Variants in WT1 observed in about 807,000 individuals in gnomAD.
WT1 encodes WT1 transcription factor, also known as Wilms tumor protein.
Under a neutral mutation model 60.8 loss-of-function variants are expected in WT1, and 8 were observed. The observed-to-expected ratio is 0.13, with a 90% confidence interval of 0.08 to 0.24. The LOEUF is 0.24. Among genes scored for constraint, WT1 ranks in the 10% least tolerant of loss-of-function variants. The pLI is 1.00. For missense variants in WT1, 568 were observed against 711.8 expected, an observed-to-expected ratio of 0.80 and a Z score of 2.30; for synonymous variants, 312 against 297.1, an observed-to-expected ratio of 1.05 and a Z score of -0.52.
intron 3 of WT1, among the ~76,000 whole-genome samples, chr11:32,425,461 A>G (rs769465586): frequency 1.3e-5 from 2 of 152,222 alleles, no homozygotes; most frequent in East Asian, 3.9e-4. Flanking sequence ...AAAAGCATTT[A>G]AATACCCTTT....
At chr11:32,428,153 G>T in intron 2 of WT1, 95 bp from the exon 3 acceptor site, 1 of 1,198,902 alleles carries the variant, frequency 8.3e-7, no homozygotes, top group South Asian at 1.5e-5. Flanking sequence ...GAGATCCTGA[G>T]CCTGGGGCAC....
In WT1 at chr11:32,432,996, C is replaced by G. The variant is rs144287330; in HGVS notation, c.661+1704G>C. 6.1e-3 allele frequency among the ~76,000 whole-genome samples: 921 copies of G among 152,226 alleles called. 14 individuals carry two copies. The highest frequency in any genetic ancestry group is 0.021 in the African/African-American group (884 of 41,528). On this transcript the variant is annotated intron_variant, in intron 1 of 9. Coordinates refer to ENST00000452863, the MANE Select transcript of WT1 (RefSeq NM_024426.6). ...AGTCACAGATGTTTAGATGGGTTGC[C>G]GAGTTCCATATTTAAAGCCCCAAGA...
intron 3 of WT1, among the ~76,000 whole-genome samples, chr11:32,424,957 T>A (rs1202027798): frequency 6.6e-6 from 1 of 152,090 alleles, no homozygotes; most frequent in Non-Finnish European, 1.5e-5. Context: ...GTGGGCAGAT[T>A]ACCTGAGATC....
chr11:32,409,570 C>T (rs1852429856), intron 5 of WT1, among the ~76,000 whole-genome samples: 1 of 151,960 alleles, frequency 6.6e-6, no homozygotes, highest in African/African-American at 2.4e-5. Flanking sequence ...GCACTCCTCC[C>T]ACCTCAGCCT....
chr11:32,416,636 C>A (rs1349975189), intron 4 of WT1, 96 bp from the exon 5 acceptor site: 1 of 1,430,898 alleles, frequency 7.0e-7, no homozygotes, highest in Non-Finnish European at 9.8e-7. Context: ...CCCCTCAATA[C>A]ACAGAGACAT....
intron 7 of WT1, 120 bp from the exon 8 acceptor site, chr11:32,392,875 T>G: frequency 1.2e-6 from 1 of 848,844 alleles, no homozygotes; most frequent in South Asian, 1.4e-5. Flanking sequence ...CGCTGGAGCT[T>G]GTTAGGGTAG....
At chr11:32,416,674 A>G in intron 4 of WT1, 134 bp from the exon 5 acceptor site, 2 of 1,133,574 alleles carry the variant, frequency 1.8e-6, no homozygotes, top group Non-Finnish European at 2.6e-6. Context: ...GTGCTGAACT[A>G]AGTCCCCAGT....
intron 3 of WT1, among the ~76,000 whole-genome samples, chr11:32,423,414 G>C (rs1285996666): frequency 6.6e-6 from 1 of 152,248 alleles, no homozygotes; most frequent in Non-Finnish European, 1.5e-5. Flanking sequence ...GCTCAAGCCT[G>C]CTTCTGATAA....
At chr11:32,391,441 A>G (rs1481397746) in intron 9 of WT1, among the ~76,000 whole-genome samples, 1 of 152,256 alleles carries the variant, frequency 6.6e-6, no homozygotes, top group Non-Finnish European at 1.5e-5. Context: ...CAGCCAGTAA[A>G]TGAATGCCCT....
intron 3 of WT1, among the ~76,000 whole-genome samples, chr11:32,421,234 G>A (rs949181944): frequency 6.6e-6 from 1 of 152,220 alleles, no homozygotes; most frequent in Non-Finnish European, 1.5e-5. Context: ...CCCATGGAAA[G>A]AGGCAGCTTC....
intron 1 of WT1, chr11:32,430,739 C>A: frequency 2.2e-6 from 3 of 1,344,344 alleles, no homozygotes; most frequent in East Asian, 2.7e-5. Flanking sequence ...AGACCGGACA[C>A]GCAGACCTCG....
chr11:32,430,820 G>A, intron 1 of WT1: 7 of 1,289,664 alleles, frequency 5.4e-6, no homozygotes, highest in Admixed American at 6.9e-5. Context: ...AAGCGCCTGC[G>A]GAGCGGAGGG....
At chr11:32,415,589 G>A (rs774167930) in intron 5 of WT1, among the ~76,000 whole-genome samples, 13 of 152,178 alleles carry the variant, frequency 8.5e-5, no homozygotes, top group African/African-American at 1.2e-4. Flanking sequence ...TGGAGGTTGC[G>A]GTGAGCGAGA....
chr11:32,419,473 T>C (rs770191880), intron 3 of WT1, among the ~76,000 whole-genome samples: 3 of 152,210 alleles, frequency 2.0e-5, no homozygotes, highest in Non-Finnish European at 4.4e-5. Flanking sequence ...CCTAGGCCCT[T>C]TGGGGATATG....
chr11:32,392,590 A>T (rs533002207), intron 8 of WT1, 76 bp downstream of exon 8: 13 of 1,422,784 alleles, frequency 9.1e-6, no homozygotes, highest in South Asian at 3.5e-5. Context: ...TTCATATTCA[A>T]CAACAAAGAG....
chr11:32,421,623 G>A (rs1336151862), intron 3 of WT1, among the ~76,000 whole-genome samples: 2 of 152,178 alleles, frequency 1.3e-5, no homozygotes, highest in Admixed American at 6.5e-5. Flanking sequence ...CTAGCAAAAA[G>A]GGGGAGCTTA....
chr11:32,400,058 G>A lies in WT1; in HGVS notation c.1017-14C>T, dbSNP rs1206335857. 1 of 1,614,026 alleles carries A rather than the reference G, an allele frequency of 6.2e-7. No homozygotes were observed. Among genetic ancestry groups the A allele is most frequent in the East Asian group, 2.2e-5 (1 of 44,874 alleles). Reference sequence around the variant, plus strand: ...CCTGTGCTGTGGCTGCAAACACAAAGAAGGGAAAAAGGCTCAGTGTGGCTC... The same window carrying A: ...CCTGTGCTGTGGCTGCAAACACAAAAAAGGGAAAAAGGCTCAGTGTGGCTC... On this transcript the variant is annotated splice_polypyrimidine_tract_variant and intron_variant, in intron 5 of 9. Coordinates refer to ENST00000452863, the MANE Select transcript of WT1 (RefSeq NM_024426.6).
At chr11:32,428,404 T>C in intron 2 of WT1, 93 bp downstream of exon 2, 1 of 1,594,252 alleles carries the variant, frequency 6.3e-7, no homozygotes, top group Non-Finnish European at 8.5e-7. Context: ...ATGTCCTCCT[T>C]TGCCTAATTT....
At chr11:32,419,957 G>T (rs888418743) in intron 3 of WT1, among the ~76,000 whole-genome samples, 3 of 152,192 alleles carry the variant, frequency 2.0e-5, no homozygotes, top group African/African-American at 7.2e-5. Flanking sequence ...GCCTCCCAAA[G>T]TGCTGAGATT....
Sources: allele counts gnomAD v4.1 joint callset (sites outside exome capture counted in the v4.1 genomes callset), GRCh38; gene constraint gnomAD v4.1.1; transcripts MANE v1.5; gene names NCBI Gene and HGNC (gene_info 2026-07-23, HGNC 2026-07-21).